SMARCAL1: variants seen among roughly 807,000 people sequenced by gnomAD.
The protein encoded by SMARCAL1 is SNF2 related chromatin remodeling annealing helicase 1.
SMARCAL1 carries 58 observed loss-of-function variants against 94.5 expected under a neutral mutation model. The observed-to-expected ratio is 0.61, with a 90% CI of 0.50 to 0.76. SMARCAL1 has a LOEUF of 0.76. SMARCAL1 is among the 30% of genes least tolerant of loss of function. The pLI, the probability that SMARCAL1 is intolerant of heterozygous loss-of-function variation, is 0.00. For missense variants in SMARCAL1, 1,051 were observed against 1,177.9 expected, an observed-to-expected ratio of 0.89 and a Z score of 1.58; for synonymous variants, 422 against 455.1, an observed-to-expected ratio of 0.93 and a Z score of 0.93.
In SMARCAL1 at chr2:216,478,204, C is replaced by A; in HGVS notation, c.2530C>A (p.Pro844Thr). Reference sequence around the variant, plus strand: ...CTGCAGCTCATTTCTCCCCAACAGGCCCCTGATTCAAGAGAAGATTAAAGT... The same window carrying A: ...CTGCAGCTCATTTCTCCCCAACAGGACCCTGATTCAAGAGAAGATTAAAGT... ...AKGTADDYLW[P>T]LIQEKIKVLA... is the part of the protein sequence containing the mutation. The change falls in exon 17 of 18, where the codon CCC becomes ACC. Residue 844 changes from proline to threonine, a missense_variant and splice_region_variant. By Grantham distance (38) the Pro-to-Thr change is conservative (BLOSUM62 -1). Transcript: ENST00000357276. 1.2e-6 allele frequency: 2 copies of A among 1,613,788 alleles called. No individual in the cohort carries two copies. Among genetic ancestry groups the A allele is most frequent in the Non-Finnish European group, 1.7e-6 (2 of 1,179,654 alleles).
At position 216,478,213 on chromosome 2, in the gene SMARCAL1, C is replaced by T; in HGVS notation, c.2539C>T (p.Gln847Ter). 6.2e-7 allele frequency: 1 copy of T among 1,614,056 alleles called. No individual in the cohort carries two copies. Among genetic ancestry groups the T allele is most frequent in the Non-Finnish European group, 8.5e-7 (1 of 1,179,932 alleles). ...TADDYLWPLI[Q>*]EKIKVLAEAG... ...ATTTCTCCCCAACAGGCCCCTGATT[C>T]AAGAGAAGATTAAAGTTCTGGCAGA... Residue 847 changes from glutamine to a stop codon, truncating the protein, a stop_gained, in exon 17 of 18, where the codon CAA (glutamine) becomes TAA (stop). Transcript: ENST00000357276. LOFTEE classifies it high-confidence loss of function.
chr2:216,424,315 G>A (rs1277642672), intron 6 of SMARCAL1, among the ~76,000 whole-genome samples: 8 of 152,202 alleles, frequency 5.3e-5, no homozygotes. Flanking sequence ...ATTCTAATAT[G>A]CCTGGAAAAA....
chr2:216,475,217 G>A lies in SMARCAL1; in HGVS notation c.2245-52G>A. On this transcript the variant is annotated intron_variant, in intron 14 of 17. Transcript: ENST00000357276. The surrounding 1 kb of genome is among the most constrained non-coding windows in gnomAD (Gnocchi z 4.4). ...GAGCTGTGGCTGGGTGTGGTTTGCT[G>A]AGAAGCCCCCGGGGCTGTTGCCCAC... The A allele has an allele frequency of 6.2e-7, 1 of 1,602,440 alleles. No homozygotes were observed. Among genetic ancestry groups the A allele is most frequent in the Non-Finnish European group, 8.5e-7 (1 of 1,171,924 alleles).
At chr2:216,469,115 A>G (rs943436127) in intron 14 of SMARCAL1, among the ~76,000 whole-genome samples, 1 of 152,064 alleles carries the variant, frequency 6.6e-6, no homozygotes, top group African/African-American at 2.4e-5. Flanking sequence ...TACGAAGGCA[A>G]TGGGTATCCT....
In SMARCAL1 at chr2:216,478,208, T is replaced by A. The variant is rs372298863; in HGVS notation, c.2534T>A (p.Leu845Gln). Residue 845 changes from leucine to glutamine, a missense_variant, in exon 17 of 18, where the codon CTG (leucine) becomes CAG (glutamine). Leu to Gln is a moderately radical substitution (Grantham distance 113). Around this residue, in one of 3 missense-constraint regions of SMARCAL1, gnomAD observed 642 missense variants for 754.7 expected, o/e 0.85. Transcript: ENST00000357276. ...AGCTCATTTCTCCCCAACAGGCCCC[T>A]GATTCAAGAGAAGATTAAAGTTCTG... ...KGTADDYLWP[L>Q]IQEKIKVLAE... 3.8e-5 allele frequency: 62 copies of A among 1,614,086 alleles called. No homozygotes were observed. Among genetic ancestry groups the A allele is most frequent in the East Asian group, 3.3e-4 (15 of 44,886 alleles).
chr2:216,438,530 T>A (rs749534984), intron 10 of SMARCAL1, 45 bp downstream of exon 10: 14 of 1,557,358 alleles, frequency 9.0e-6, no homozygotes, highest in East Asian at 6.7e-5. Context: ...TGGCATCCCA[T>A]AATATTTTGC....
Position 216,475,402 on chromosome 2 carries a change from TCTC to T in SMARCAL1, c.2382_2384del (p.Ser795del). The T allele has an allele frequency of 6.2e-7, 1 of 1,614,124 alleles. No homozygotes were observed. The highest frequency in any genetic ancestry group is 8.5e-7 in the Non-Finnish European group (1 of 1,180,020). Reference sequence around the variant, plus strand: ...ACCGCTGCCAATATGGGCCTCACCTTCTCCTCGGCTGACCTGGTGGTGTTTGCT... The same window carrying T: ...ACCGCTGCCAATATGGGCCTCACCTTCTCGGCTGACCTGGTGGTGTTTGCT... On this transcript the variant is annotated inframe_deletion, in exon 15 of 18. Transcript: ENST00000357276. The surrounding 1 kb of genome is among the most constrained non-coding windows in gnomAD (Gnocchi z 4.4).
At chr2:216,422,334 C>T (rs1469899985) in intron 5 of SMARCAL1, among the ~76,000 whole-genome samples, 1 of 152,080 alleles carries the variant, frequency 6.6e-6, no homozygotes, top group Non-Finnish European at 1.5e-5. Flanking sequence ...GAGCCTAGAT[C>T]GCACCACTGC....
chr2:216,458,940 T>G (rs1425460884), intron 12 of SMARCAL1, among the ~76,000 whole-genome samples: 1 of 152,222 alleles, frequency 6.6e-6, no homozygotes, highest in Non-Finnish European at 1.5e-5. Flanking sequence ...AGCCCCATCG[T>G]CTCAGCCCCA....
intron 4 of SMARCAL1, among the ~76,000 whole-genome samples, chr2:216,419,647 C>T (rs996299145): frequency 2.0e-5 from 3 of 152,070 alleles, no homozygotes; most frequent in African/African-American, 7.2e-5. Context: ...TCTCCGACAC[C>T]GTGCCAGAAA....
chr2:216,473,294 CT>C lies in SMARCAL1; in HGVS notation c.2245-1964del, dbSNP rs1255575831. On this transcript the variant is annotated intron_variant, in intron 14 of 17. Transcript: ENST00000357276. ...TGGAGAAAAGGACATTCAGGATGTACTTTTTTTTTTTGAGATTTATCCATGT... is the reference window on the plus strand; with the variant it reads ...TGGAGAAAAGGACATTCAGGATGTACTTTTTTTTTTGAGATTTATCCATGT... 4.5e-3 allele frequency among the ~76,000 whole-genome samples: 624 copies of C among 139,362 alleles called. 5 individuals are homozygous for C. The highest frequency in any genetic ancestry group is 9.6e-3 in the Admixed American group (133 of 13,890). The allele number at this position is 139,362 out of a possible 152,430, so 91.4% of individuals were successfully genotyped here.
At chr2:216,464,457 A>G (rs1694785104) in intron 12 of SMARCAL1, 140 bp from the exon 13 acceptor site, 1 of 762,586 alleles carries the variant, frequency 1.3e-6, no homozygotes. Context: ...TGAAAGGGGA[A>G]TCATTGTCAG....
chr2:216,482,819 G>A lies in SMARCAL1; in HGVS notation c.2707G>A (p.Ala903Thr). ...EGSDMELLEA[A>T]ESFDPGSASG... is the part of the protein sequence containing the mutation. Reference sequence around the variant, plus strand: ...AAGTGATATGGAGCTCCTGGAAGCAGCAGAGTCCTTTGACCCAGGAAGTGC... The same window carrying A: ...AAGTGATATGGAGCTCCTGGAAGCAACAGAGTCCTTTGACCCAGGAAGTGC... Residue 903 changes from alanine (A) to threonine (T), a missense_variant, in exon 18 of 18, where the codon GCA becomes ACA. Ala to Thr is a moderately conservative substitution (Grantham distance 58). Coordinates refer to ENST00000357276, the MANE Select transcript of SMARCAL1 (RefSeq NM_014140.4). This position sits in a 1 kb window ranked among gnomAD's most constrained non-coding sequence, Gnocchi z 4.3. The A allele has an allele frequency of 6.2e-7, 1 of 1,614,176 alleles. No homozygotes were observed. The highest frequency in any genetic ancestry group is 8.5e-7 in the Non-Finnish European group (1 of 1,180,026).
intron 2 of SMARCAL1, 43 bp from the exon 3 acceptor site, chr2:216,414,604 A>T: frequency 1.4e-5 from 14 of 998,220 alleles, no homozygotes; most frequent in Non-Finnish European, 1.9e-5. Flanking sequence ...ATGACAATTA[A>T]TACATGTAAT....
At position 216,420,348 on chromosome 2, in the gene SMARCAL1, G is replaced by T. The variant is rs778664200; in HGVS notation, c.912G>T (p.Trp304Cys). 1.2e-6 allele frequency: 2 copies of T among 1,614,158 alleles called. No individual in the cohort carries two copies. Among genetic ancestry groups the T allele is most frequent in the Admixed American group, 3.3e-5 (2 of 60,008 alleles). Residue 304 changes from tryptophan to cysteine, a missense_variant, in exon 5 of 18, where the codon TGG (tryptophan) becomes TGT (cysteine). Transcript: ENST00000357276. ...LPTVNLQPLE[W>C]AYGSSESPST... ...CGGTCAACCTGCAGCCTCTGGAATG[G>T]GCCTATGGCAGCAGCGAGTCACCCT...
rs775918083 is a variant in SMARCAL1, at chr2:216,415,463, G to A, written c.759G>A (p.Gly253=). The part of the protein sequence containing the change: ...RNGDRFQVLI[G]YNAELIAVFK... ...GCGATCGTTTCCAGGTGTTGATTGG[G>A]TACAATGCGGAACTCATTGCAGTGT... is the stretch of plus-strand genomic sequence containing the variant. The change falls in exon 3 of 18, where the codon GGG becomes GGA. Residue 253 remains glycine (G), a synonymous_variant. Coordinates refer to ENST00000357276, the MANE Select transcript of SMARCAL1 (RefSeq NM_014140.4). 1 of 1,614,118 alleles carries A rather than the reference G, an allele frequency of 6.2e-7. No homozygotes were observed.
At chr2:216,456,791 G>A (rs373402412) in intron 12 of SMARCAL1, among the ~76,000 whole-genome samples, 3 of 152,104 alleles carry the variant, frequency 2.0e-5, no homozygotes, top group South Asian at 2.1e-4. Context: ...ATCAACTAAC[G>A]AGCAAAATAA....
chr2:216,416,574 CT>C (rs2106016635), intron 4 of SMARCAL1, among the ~76,000 whole-genome samples: 1 of 152,268 alleles, frequency 6.6e-6, no homozygotes, highest in South Asian at 2.1e-4. Flanking sequence ...ACTTTTATTC[CT>C]TATAATGACT....
At chr2:216,425,829 T>C (rs1267311461) in intron 6 of SMARCAL1, among the ~76,000 whole-genome samples, 2 of 152,146 alleles carry the variant, frequency 1.3e-5, no homozygotes, top group Admixed American at 6.5e-5. Context: ...CACCATTCGA[T>C]TGGCTAAAAG....
Sources: allele counts gnomAD v4.1 joint callset (sites outside exome capture counted in the v4.1 genomes callset), GRCh38; gene constraint gnomAD v4.1.1; regional missense constraint gnomAD v4.1.1; non-coding constraint Gnocchi (gnomAD v3.1); transcripts MANE v1.5; gene names NCBI Gene and HGNC (gene_info 2026-07-23, HGNC 2026-07-21).